The following NCALD variants were observed in gnomAD, a reference collection of about 807,000 sequenced individuals.
NCALD encodes the protein neurocalcin-delta.
NCALD carries 10 observed loss-of-function variants against 18.6 expected under a neutral mutation model. That is an observed-to-expected ratio of 0.54 (90% CI 0.33 to 0.91). The LOEUF (loss-of-function observed/expected upper bound fraction) is 0.91. NCALD is among the 40% of genes least tolerant of loss of function. NCALD has a pLI of 0.03. For missense variants in NCALD, 184 were observed against 247.6 expected (o/e 0.74, Z 1.72); for synonymous variants, 88 against 87.4 (o/e 1.01, Z -0.04).
Position 101,991,347 on chromosome 8 carries a change from G to A in NCALD, c.-157+28890C>T, listed in dbSNP as rs2131984595. On this transcript the variant is annotated intron_variant, in intron 2 of 6. Transcript: ENST00000311028. ...CTATGAGGCTGCTACCCTTAGAGCA[G>A]CAAGCAGGATGAGAATTTGAGGGAA... 2.6e-5 allele frequency among the ~76,000 whole-genome samples: 4 copies of A among 152,276 alleles called. 1 individual carries two copies. The highest frequency in any genetic ancestry group is 2.6e-4 in the Admixed American group (4 of 15,298).
intron 4 of NCALD, among the ~76,000 whole-genome samples, chr8:101,849,084 T>G (rs1814990102): frequency 6.6e-6 from 1 of 152,232 alleles, no homozygotes; most frequent in Non-Finnish European, 1.5e-5. Flanking sequence ...GAAGTCGTTT[T>G]CCTTAGCAAA....
chr8:101,742,704 G>A (rs963319112), intron 1 of NCALD, among the ~76,000 whole-genome samples: 3 of 152,076 alleles, frequency 2.0e-5, no homozygotes, highest in Non-Finnish European at 4.4e-5. Flanking sequence ...GGTACAGAAC[G>A]TGCAGGTAGG....
At chr8:101,875,094 GTC>G (rs1025877493) in intron 4 of NCALD, among the ~76,000 whole-genome samples, 11 of 152,204 alleles carry the variant, frequency 7.2e-5, no homozygotes, top group Admixed American at 7.2e-4. Flanking sequence ...CCGGGAAGTA[GTC>G]TAGACAGTCT....
At chr8:101,879,086 A>G (rs559292004) in intron 4 of NCALD, among the ~76,000 whole-genome samples, 3 of 152,346 alleles carry the variant, frequency 2.0e-5, no homozygotes, top group Non-Finnish European at 2.9e-5. Context: ...TGTGTAATCA[A>G]GTAAACTCAT....
intron 1 of NCALD, among the ~76,000 whole-genome samples, chr8:102,122,979 C>T (rs1415008119): frequency 2.6e-5 from 4 of 152,198 alleles, no homozygotes; most frequent in Non-Finnish European, 4.4e-5. Flanking sequence ...TGTCCTTGCC[C>T]CGCTACCGCA....
At chr8:102,041,242 A>C (rs760215869) in intron 1 of NCALD, among the ~76,000 whole-genome samples, 2 of 152,210 alleles carry the variant, frequency 1.3e-5, no homozygotes, top group Non-Finnish European at 2.9e-5. Flanking sequence ...TATCTTATCA[A>C]GTATTTCCAA....
intron 4 of NCALD, among the ~76,000 whole-genome samples, chr8:101,853,816 C>A (rs1356604006): frequency 2.6e-5 from 4 of 152,166 alleles, no homozygotes; most frequent in African/African-American, 4.8e-5. Flanking sequence ...TCTGTTTAAA[C>A]CTCCCCAGGG....
At chr8:101,769,651 C>T (rs533433460) in intron 1 of NCALD, among the ~76,000 whole-genome samples, 8 of 151,594 alleles carry the variant, frequency 5.3e-5, no homozygotes, top group Admixed American at 5.3e-4. Flanking sequence ...TGCTGAGACA[C>T]TGGCGAACAT....
At chr8:101,746,471 T>A (rs1007805028) in intron 1 of NCALD, among the ~76,000 whole-genome samples, 1 of 152,144 alleles carries the variant, frequency 6.6e-6, no homozygotes, top group African/African-American at 2.4e-5. Context: ...TATATGTTAG[T>A]GCCATAATTT....
chr8:102,066,015 G>T (rs1218929328), intron 1 of NCALD, among the ~76,000 whole-genome samples: 1 of 152,108 alleles, frequency 6.6e-6, no homozygotes, highest in Non-Finnish European at 1.5e-5. Flanking sequence ...AAACCCTTAG[G>T]ATTTTTTCAG....
chr8:101,938,117 C>A (rs554854141), intron 2 of NCALD, among the ~76,000 whole-genome samples: 2 of 152,264 alleles, frequency 1.3e-5, no homozygotes, highest in Admixed American at 6.5e-5. Flanking sequence ...TTCCGATAAA[C>A]CTTCTGCTTA....
intron 3 of NCALD, among the ~76,000 whole-genome samples, chr8:101,909,492 C>A (rs1180879694): frequency 6.6e-6 from 1 of 152,194 alleles, no homozygotes; most frequent in African/African-American, 2.4e-5. Context: ...ACACTGCCTT[C>A]TTCAAGCTTA....
chr8:102,045,130 A>G (rs1351178931), intron 1 of NCALD, among the ~76,000 whole-genome samples: 1 of 152,236 alleles, frequency 6.6e-6, no homozygotes, highest in Non-Finnish European at 1.5e-5. Flanking sequence ...CCAGGGGCCC[A>G]TAACTAGAAG....
At chr8:101,963,340 T>C (rs1475017002) in intron 2 of NCALD, among the ~76,000 whole-genome samples, 2 of 152,198 alleles carry the variant, frequency 1.3e-5, no homozygotes, top group Non-Finnish European at 2.9e-5. Flanking sequence ...TCCTGGTTTT[T>C]TGACTTCCTC....
At chr8:101,820,982 AC>A (rs1813698187) in intron 4 of NCALD, among the ~76,000 whole-genome samples, 2 of 152,306 alleles carry the variant, frequency 1.3e-5, no homozygotes, top group South Asian at 2.1e-4. Flanking sequence ...GTAAATCAAA[AC>A]ATGAAGTTCC....
chr8:101,835,699 T>C lies in NCALD; in HGVS notation c.-20+51442A>G, dbSNP rs530158535. 5.3e-5 allele frequency among the ~76,000 whole-genome samples: 8 copies of C among 152,166 alleles called. No individual in the cohort carries two copies. The East Asian group carries it at 1.4e-3, about 26-fold the overall frequency. ...AACTTGCTCATATGGTATACCTAGC[T>C]GTGTGTGTGAGTGTGTGTGCATGCG... On this transcript the variant is annotated intron_variant, in intron 4 of 6. Transcript: ENST00000311028.
intron 2 of NCALD, among the ~76,000 whole-genome samples, chr8:101,992,112 C>T (rs1367996488): frequency 6.6e-6 from 1 of 152,198 alleles, no homozygotes; most frequent in Non-Finnish European, 1.5e-5. Flanking sequence ...TGGGAACTGA[C>T]GCCATCTGAG....
At chr8:101,730,930 T>C (rs184110395) in intron 1 of NCALD, among the ~76,000 whole-genome samples, 20 of 152,140 alleles carry the variant, frequency 1.3e-4, no homozygotes, top group Non-Finnish European at 2.6e-4. Context: ...AAATAAATAA[T>C]TGAAATGGTA....
intron 2 of NCALD, among the ~76,000 whole-genome samples, chr8:102,011,634 A>C (rs1821907060): frequency 6.6e-6 from 1 of 152,244 alleles, no homozygotes; most frequent in African/African-American, 2.4e-5. Context: ...GTAAATAAAC[A>C]CATAAAGTAG....
Sources: gnomAD v4.1 joint callset for allele counts (sites outside exome capture counted in the v4.1 genomes callset) on GRCh38, gnomAD v4.1.1 for gene constraint, MANE v1.5 for transcripts, NCBI Gene and HGNC (gene_info 2026-07-23, HGNC 2026-07-21) for gene names.